The following APBB1IP variants were observed in gnomAD, a reference collection of about 807,000 sequenced individuals.
APBB1IP encodes the protein amyloid beta A4 precursor protein-binding family B member 1-interacting protein.
In APBB1IP, 27 loss-of-function variants were observed where a neutral mutation model predicts 64.9. The observed-to-expected ratio is 0.42, with a 90% CI of 0.31 to 0.57. The LOEUF (loss-of-function observed/expected upper bound fraction) is 0.57, where lower values mean the gene tolerates loss of function less well. Ranked by LOEUF, APBB1IP falls within the 20% of genes least tolerant of loss-of-function variation. The probability of loss-of-function intolerance (pLI) is 0.20; values close to 1 mark genes in which losing one functional copy is unlikely to be tolerated. For synonymous variants in APBB1IP, 392 were observed against 331.0 expected (o/e 1.18, Z -2.00); for missense variants, 812 against 845.5 (o/e 0.96, Z 0.49).
In APBB1IP at chr10:26,510,012, C is replaced by CA. The variant is rs533256051; in HGVS notation, c.532-1734dup. ...TGAGACAGAGTCTCGCTCCACCCCC[C>CA]ATGCTGGAGTGCAGTGCTGCAATCT... On this transcript the variant is annotated intron_variant, in intron 6 of 14. Coordinates refer to ENST00000376236, the MANE Select transcript of APBB1IP (RefSeq NM_019043.4). Among the ~76,000 whole-genome samples, 14 of 152,318 alleles carry CA rather than the reference C, an allele frequency of 9.2e-5. No individual in the cohort carries two copies. The South Asian group carries it at 2.9e-3, about 32-fold the overall frequency.
At chr10:26,507,966 G>A (rs995291311) in intron 6 of APBB1IP, among the ~76,000 whole-genome samples, 15 of 152,164 alleles carry the variant, frequency 9.9e-5, no homozygotes, top group African/African-American at 3.4e-4. Context: ...CAAAGCACAA[G>A]CTGCCTTGAT....
In APBB1IP at chr10:26,485,165, G is replaced by A. The variant is rs182975606; in HGVS notation, c.1-7162G>A. Among the ~76,000 whole-genome samples, 16 of 152,320 alleles carry A rather than the reference G, an allele frequency of 1.1e-4. No homozygotes were observed. The East Asian group carries it at 2.1e-3, about 20-fold the overall frequency. Reference sequence around the variant, plus strand: ...ATCAGTATTTACTCACCTGGAAATAGCATTGGAAAAATAAACAGTGTTATA... The same window carrying A: ...ATCAGTATTTACTCACCTGGAAATAACATTGGAAAAATAAACAGTGTTATA... On this transcript the variant is annotated intron_variant, in intron 2 of 14. Transcript: ENST00000376236.
At chr10:26,534,294 CAAAA>C (rs71403804) in intron 9 of APBB1IP, among the ~76,000 whole-genome samples, 7 of 58,680 alleles carry the variant, frequency 1.2e-4, no homozygotes, top group South Asian at 7.5e-4. Context: ...GATCCAGTCT[CAAAA>C]AAAAAAAAAA....
chr10:26,530,624 A>G (rs1246679831), intron 8 of APBB1IP, among the ~76,000 whole-genome samples: 1 of 151,494 alleles, frequency 6.6e-6, no homozygotes, highest in Non-Finnish European at 1.5e-5. Flanking sequence ...CAGGAGTTGG[A>G]GGTTGCAGTG....
At chr10:26,491,290 AAAAG>A (rs983686383) in intron 2 of APBB1IP, among the ~76,000 whole-genome samples, 2 of 152,146 alleles carry the variant, frequency 1.3e-5, no homozygotes, top group African/African-American at 4.8e-5. Context: ...AAAAGAAAAA[AAAAG>A]AAAGAAAAGA....
At chr10:26,468,498 A>G (rs952371948) in intron 2 of APBB1IP, among the ~76,000 whole-genome samples, 19 of 151,938 alleles carry the variant, frequency 1.3e-4, no homozygotes, top group African/African-American at 4.4e-4. Context: ...TGTGTAGATG[A>G]ATGAGTTTCT....
chr10:26,492,254 A>C (rs1835964615), intron 2 of APBB1IP, 73 bp from the exon 3 acceptor site: 4 of 1,358,518 alleles, frequency 2.9e-6, no homozygotes, highest in Non-Finnish European at 4.2e-6. Flanking sequence ...TGGGGGAAAG[A>C]GAGGGATGCA....
rs371610082 is a variant in APBB1IP, at chr10:26,501,036, T to C, written c.378T>C (p.Asp126=). ...VAATGISQYE[D]DLPPPPADPV... ...CCACTGGTATCAGCCAATATGAGGA[T>C]GACTTACCACCTCCACCAGCCGATC... Residue 126 remains aspartate (D), a synonymous_variant, in exon 5 of 15, where the codon GAT becomes GAC. Coordinates refer to ENST00000376236, the MANE Select transcript of APBB1IP (RefSeq NM_019043.4). 2 of 1,614,200 alleles carry C rather than the reference T, an allele frequency of 1.2e-6. No homozygotes were observed. Among genetic ancestry groups the C allele is most frequent in the Non-Finnish European group, 1.7e-6 (2 of 1,180,030 alleles).
intron 2 of APBB1IP, among the ~76,000 whole-genome samples, chr10:26,460,209 G>C (rs1316958232): frequency 1.3e-5 from 2 of 152,074 alleles, no homozygotes; most frequent in Non-Finnish European, 2.9e-5. Context: ...CCCTTCTTAG[G>C]AATAATTATC....
intron 6 of APBB1IP, among the ~76,000 whole-genome samples, chr10:26,511,206 T>C (rs1380321281): frequency 6.6e-6 from 1 of 152,104 alleles, no homozygotes; most frequent in African/African-American, 2.4e-5. Context: ...TAGCTGGGCA[T>C]GGTAGCAGGC....
intron 2 of APBB1IP, among the ~76,000 whole-genome samples, chr10:26,453,072 G>A (rs565180187): frequency 9.2e-5 from 14 of 152,220 alleles, no homozygotes; most frequent in African/African-American, 3.4e-4. Context: ...AGAGAGTTGA[G>A]GTATAAATAT....
intron 2 of APBB1IP, among the ~76,000 whole-genome samples, chr10:26,458,879 G>A (rs1224074382): frequency 1.3e-5 from 2 of 151,812 alleles, no homozygotes; most frequent in African/African-American, 4.8e-5. Context: ...CTCTGAATTT[G>A]ACTTTAATTA....
At chr10:26,444,991 G>A (rs764759049) in intron 2 of APBB1IP, among the ~76,000 whole-genome samples, 22 of 151,814 alleles carry the variant, frequency 1.4e-4, no homozygotes, top group Non-Finnish European at 2.2e-4. Context: ...CCAGCTATTC[G>A]GGAGGCTGAG....
At chr10:26,529,746 T>C (rs527512749) in intron 8 of APBB1IP, among the ~76,000 whole-genome samples, 1 of 152,310 alleles carries the variant, frequency 6.6e-6, no homozygotes, top group African/African-American at 2.4e-5. Flanking sequence ...TCTCAAGTGA[T>C]TCTTCTGCCT....
At chr10:26,472,052 G>A (rs986765816) in intron 2 of APBB1IP, among the ~76,000 whole-genome samples, 3 of 152,028 alleles carry the variant, frequency 2.0e-5, no homozygotes, top group African/African-American at 7.2e-5. Context: ...TAATCCTCTG[G>A]GGTTTTCAGT....
At position 26,523,937 on chromosome 10, in the gene APBB1IP, G is replaced by A. The variant is rs75770091; in HGVS notation, c.814-9502G>A. Among the ~76,000 whole-genome samples the A allele has an allele frequency of 7.4e-3, 1,123 of 152,202 alleles. 10 individuals carry two copies. The highest frequency in any genetic ancestry group is 0.019 in the African/African-American group (800 of 41,522). ...TTTACAAAGCCATTGTGCCTATTAT[G>A]AAATAATAATTTATGTCATCATTTC... On this transcript the variant is annotated intron_variant, in intron 8 of 14. Transcript: ENST00000376236.
intron 2 of APBB1IP, among the ~76,000 whole-genome samples, chr10:26,439,244 C>A (rs1835313573): frequency 6.6e-6 from 1 of 152,098 alleles, no homozygotes; most frequent in Non-Finnish European, 1.5e-5. Context: ...CCCAGTCTCC[C>A]GGAACCTGGA....
At chr10:26,550,961 A>G (rs1277235322) in intron 11 of APBB1IP, among the ~76,000 whole-genome samples, 1 of 152,146 alleles carries the variant, frequency 6.6e-6, no homozygotes, top group East Asian at 1.9e-4. Flanking sequence ...TTAGACCCGA[A>G]TCCTACACTA....
intron 10 of APBB1IP, among the ~76,000 whole-genome samples, chr10:26,536,427 G>C (rs556142369): frequency 1.4e-4 from 21 of 152,100 alleles, no homozygotes; most frequent in Admixed American, 9.8e-4. Context: ...CTATTTTAAA[G>C]TCAGGTTTCA....
Sources: gnomAD v4.1 joint callset for allele counts (sites outside exome capture counted in the v4.1 genomes callset) on GRCh38, gnomAD v4.1.1 for gene constraint, MANE v1.5 for transcripts, NCBI Gene and HGNC (gene_info 2026-07-23, HGNC 2026-07-21) for gene names.